SLC39A11: variants seen among roughly 807,000 people sequenced by gnomAD.
SLC39A11 encodes the protein solute carrier family 39 member 11.
SLC39A11 carries 33 observed loss-of-function variants against 36.1 expected under a neutral mutation model. The observed-to-expected ratio is 0.91, with a 90% CI of 0.69 to 1.22. SLC39A11 has a LOEUF of 1.22. Among genes scored for constraint, SLC39A11 ranks in the 50% most tolerant of loss-of-function variants. The pLI is 0.00. For missense variants in SLC39A11, 432 were observed against 430.3 expected, an observed-to-expected ratio of 1.00 and a Z score of -0.03; for synonymous variants, 166 against 170.3, an observed-to-expected ratio of 0.97 and a Z score of 0.20.
At chr17:72,870,664 T>C (rs1321994434) in intron 5 of SLC39A11, among the ~76,000 whole-genome samples, 1 of 152,242 alleles carries the variant, frequency 6.6e-6, no homozygotes, top group Non-Finnish European at 1.5e-5. Context: ...TGCAGATTTG[T>C]GGCCAATTGG....
intron 5 of SLC39A11, among the ~76,000 whole-genome samples, chr17:72,853,938 C>T (rs752745573): frequency 1.3e-5 from 2 of 152,064 alleles, no homozygotes; most frequent in Non-Finnish European, 2.9e-5. Context: ...TGACAAGAAC[C>T]TCGTGAGGTT....
intron 5 of SLC39A11, among the ~76,000 whole-genome samples, chr17:72,899,396 T>A (rs959311723): frequency 2.6e-5 from 4 of 152,160 alleles, no homozygotes; most frequent in Non-Finnish European, 5.9e-5. Flanking sequence ...TTTACATTGT[T>A]TTTTTACCCT....
At chr17:72,690,495 C>T (rs534339526) in intron 7 of SLC39A11, among the ~76,000 whole-genome samples, 11 of 152,294 alleles carry the variant, frequency 7.2e-5, no homozygotes, top group South Asian at 6.2e-4. Context: ...CAGATAAACA[C>T]GTACTTGTAC....
chr17:72,706,863 A>C (rs2143200782), intron 7 of SLC39A11, among the ~76,000 whole-genome samples: 1 of 152,306 alleles, frequency 6.6e-6, no homozygotes, highest in East Asian at 1.9e-4. Context: ...ATTCAAACAG[A>C]ATCACTGAGT....
At position 72,824,490 on chromosome 17, in the gene SLC39A11, T is replaced by C. The variant is rs190965538; in HGVS notation, c.601+25144A>G. 1.2e-3 allele frequency among the ~76,000 whole-genome samples: 178 copies of C among 151,438 alleles called. 2 individuals carry two copies. The East Asian group carries it at 0.034, about 29-fold the overall frequency. On this transcript the variant is annotated intron_variant, in intron 6 of 9. Transcript: ENST00000255559. ...GGTACCGGGAGTGGGGACATTACTA[T>C]AAAGATACCTGAAAATGTGGACGTG...
intron 4 of SLC39A11, among the ~76,000 whole-genome samples, chr17:73,029,127 A>C (rs562665653): frequency 0.035 from 5,360 of 151,888 alleles, 177 homozygotes; most frequent in African/African-American, 0.051. Flanking sequence ...CACACACACA[A>C]AAAAAAATTA....
chr17:72,670,188 CACACACACACACACACACACACACAT>C (rs1567927548), intron 7 of SLC39A11, among the ~76,000 whole-genome samples: 2 of 137,728 alleles, frequency 1.5e-5, no homozygotes, highest in East Asian at 2.2e-4. Context: ...CACACACACA[CACACACACACACACACACACACACAT>C]ATATATATAT....
chr17:72,744,443 CTT>C (rs1286814656), intron 6 of SLC39A11, among the ~76,000 whole-genome samples: 1 of 152,198 alleles, frequency 6.6e-6, no homozygotes, highest in Non-Finnish European at 1.5e-5. Context: ...AAATTAAACT[CTT>C]ATATTAATAG....
At chr17:72,674,288 G>A (rs1195377056) in intron 7 of SLC39A11, among the ~76,000 whole-genome samples, 1 of 152,170 alleles carries the variant, frequency 6.6e-6, no homozygotes. Context: ...ATCAGTGACA[G>A]TATACTACAG....
intron 4 of SLC39A11, among the ~76,000 whole-genome samples, chr17:73,017,708 C>T (rs2058214338): frequency 6.6e-6 from 1 of 151,854 alleles, no homozygotes; most frequent in African/African-American, 2.4e-5. Context: ...GACTTCGTCT[C>T]AAAAATAAAA....
chr17:72,787,543 C>T (rs1300720494), intron 6 of SLC39A11, among the ~76,000 whole-genome samples: 1 of 152,104 alleles, frequency 6.6e-6, no homozygotes, highest in Non-Finnish European at 1.5e-5. Context: ...AGGCGTGAGC[C>T]ACCCGCCCGG....
At chr17:72,687,867 G>T (rs2071832026) in intron 7 of SLC39A11, among the ~76,000 whole-genome samples, 1 of 152,156 alleles carries the variant, frequency 6.6e-6, no homozygotes. Flanking sequence ...TTTTTCACAT[G>T]CAGAAACTGA....
chr17:72,971,449 C>T (rs773047426), intron 4 of SLC39A11, among the ~76,000 whole-genome samples: 1 of 152,102 alleles, frequency 6.6e-6, no homozygotes, highest in Non-Finnish European at 1.5e-5. Context: ...CAGCGCCCCC[C>T]GATTTTAATG....
intron 7 of SLC39A11, chr17:72,725,679 C>T (rs879856080): frequency 5.3e-5 from 8 of 152,150 alleles, no homozygotes; most frequent in Non-Finnish European, 8.8e-5. Context: ...GTCTGTCCAC[C>T]GCTGCCAGCC....
At chr17:72,877,035 T>C (rs2080935141) in intron 5 of SLC39A11, among the ~76,000 whole-genome samples, 1 of 152,030 alleles carries the variant, frequency 6.6e-6, no homozygotes, top group African/African-American at 2.4e-5. Flanking sequence ...TAAGAAAAAA[T>C]GCATAATGTA....
chr17:72,982,295 T>C (rs2088384640), intron 4 of SLC39A11, among the ~76,000 whole-genome samples: 1 of 152,220 alleles, frequency 6.6e-6, no homozygotes, highest in Admixed American at 6.5e-5. Context: ...AAATATCCAC[T>C]GTATAATCCC....
At chr17:73,034,170 G>A (rs1473834262) in intron 3 of SLC39A11, among the ~76,000 whole-genome samples, 1 of 152,158 alleles carries the variant, frequency 6.6e-6, no homozygotes, top group Non-Finnish European at 1.5e-5. Context: ...TGCCCTGCAT[G>A]GTAAACTCCC....
intron 3 of SLC39A11, among the ~76,000 whole-genome samples, chr17:73,037,264 T>C (rs2058951536): frequency 6.6e-6 from 1 of 152,234 alleles, no homozygotes; most frequent in Non-Finnish European, 1.5e-5. Context: ...GTGGAATTGT[T>C]GGATCCTATG....
chr17:72,691,279 T>C (rs1386970822), intron 7 of SLC39A11, among the ~76,000 whole-genome samples: 1 of 152,146 alleles, frequency 6.6e-6, no homozygotes, highest in African/African-American at 2.4e-5. Context: ...TTCCTAGAGG[T>C]GACTTTGGGC....
Sources: allele counts gnomAD v4.1 joint callset (sites outside exome capture counted in the v4.1 genomes callset), GRCh38; gene constraint gnomAD v4.1.1; transcripts MANE v1.5; gene names NCBI Gene and HGNC (gene_info 2026-07-23, HGNC 2026-07-21).